Variants in NT5C3A observed in about 807,000 individuals in gnomAD.
NT5C3A encodes cytosolic 5'-nucleotidase 3A.
A neutral mutation model predicts 40.0 loss-of-function variants in NT5C3A; 23 were observed. That is an observed-to-expected ratio of 0.58 (90% CI 0.41 to 0.81). The LOEUF (loss-of-function observed/expected upper bound fraction) is 0.81. Ranked by LOEUF, NT5C3A falls within the 40% of genes least tolerant of loss-of-function variation. The pLI, the probability that NT5C3A is intolerant of heterozygous loss-of-function variation, is 0.00. For missense variants in NT5C3A, 328 were observed against 403.0 expected, an observed-to-expected ratio of 0.81 and a Z score of 1.59; for synonymous variants, 130 against 141.4, an observed-to-expected ratio of 0.92 and a Z score of 0.57.
At chr7:33,060,045 T>C (rs917244661) in intron 1 of NT5C3A, among the ~76,000 whole-genome samples, 2 of 152,178 alleles carry the variant, frequency 1.3e-5, no homozygotes, top group African/African-American at 4.8e-5. Flanking sequence ...TCGACCACCT[T>C]GACTGAAGAG....
intron 1 of NT5C3A, among the ~76,000 whole-genome samples, chr7:33,043,075 T>C (rs991369282): frequency 6.6e-6 from 1 of 152,214 alleles, no homozygotes; most frequent in African/African-American, 2.4e-5. Context: ...GCTAGTATTA[T>C]TTTCAATTTA....
At chr7:33,029,448 A>C (rs1786125414) in intron 1 of NT5C3A, 1 of 354,274 alleles carries the variant, frequency 2.8e-6, no homozygotes, top group Admixed American at 3.8e-5. Flanking sequence ...TAGTAAGTTT[A>C]TCTCTTGACA....
At chr7:33,025,694 G>A (rs1407331851) in intron 2 of NT5C3A, among the ~76,000 whole-genome samples, 1 of 151,586 alleles carries the variant, frequency 6.6e-6, no homozygotes, top group African/African-American at 2.4e-5. Context: ...TCTTACTTAA[G>A]ACTAATAAAA....
At chr7:33,019,045 A>G (rs1373684438) in intron 6 of NT5C3A, among the ~76,000 whole-genome samples, 1 of 152,002 alleles carries the variant, frequency 6.6e-6, no homozygotes, top group African/African-American at 2.4e-5. Flanking sequence ...CTTGAGCTCA[A>G]GAGTTCAAGA....
intron 1 of NT5C3A, among the ~76,000 whole-genome samples, chr7:33,050,743 G>GA (rs1298309390): frequency 4.6e-5 from 7 of 152,056 alleles, no homozygotes; most frequent in African/African-American, 9.7e-5. Flanking sequence ...CAACATATAT[G>GA]AAAAAAATGA....
Position 33,022,063 on chromosome 7 carries a change from C to T in NT5C3A, c.344G>A (p.Cys115Tyr). 4 of 1,533,052 alleles carry T rather than the reference C, an allele frequency of 2.6e-6. No individual in the cohort carries two copies. Among genetic ancestry groups the T allele is most frequent in the Middle Eastern group, 1.7e-4 (1 of 5,888 alleles). The allele number at this position is 1,533,052 out of a possible 1,614,324, so 95.0% of individuals were successfully genotyped here. ...IDNCKLVTDE[C>Y]RKKLLQLKEK... Reference sequence around the variant, plus strand: ...GTTGTTAGTGTTTACCTTTTTTCTACATTCATCTGTAACCAGCTTACAGTT... The same window carrying T: ...GTTGTTAGTGTTTACCTTTTTTCTATATTCATCTGTAACCAGCTTACAGTT... Residue 115 changes from cysteine (C) to tyrosine (Y), a missense_variant, in exon 4 of 9, where the codon TGT becomes TAT. Physicochemically the swap from Cys to Tyr is radical, Grantham distance 194. Around this residue, in one of 3 missense-constraint regions of NT5C3A, gnomAD observed 280 missense variants for 317.2 expected, o/e 0.88. Coordinates refer to ENST00000610140, the MANE Select transcript of NT5C3A (RefSeq NM_001002010.5).
intron 1 of NT5C3A, among the ~76,000 whole-genome samples, chr7:33,030,657 A>C (rs1209030892): frequency 1.3e-5 from 2 of 152,242 alleles, no homozygotes; most frequent in African/African-American, 4.8e-5. Context: ...AAAATGATTA[A>C]GAAAGACCTA....
At chr7:33,015,000 G>T (rs771355570) in intron 8 of NT5C3A, among the ~76,000 whole-genome samples, 169 bp from the exon 9 acceptor site, 1 of 152,204 alleles carries the variant, frequency 6.6e-6, no homozygotes, top group Non-Finnish European at 1.5e-5. Flanking sequence ...CCCACTGACA[G>T]ACATTTTTCC....
intron 1 of NT5C3A, among the ~76,000 whole-genome samples, chr7:33,051,908 A>C (rs568457371): frequency 6.6e-6 from 1 of 152,336 alleles, no homozygotes; most frequent in African/African-American, 2.4e-5. Flanking sequence ...GCTTTTAAAA[A>C]ACCGATTTAA....
intron 1 of NT5C3A, among the ~76,000 whole-genome samples, chr7:33,052,295 C>G (rs994240406): frequency 3.3e-5 from 5 of 151,834 alleles, no homozygotes; most frequent in Non-Finnish European, 7.4e-5. Context: ...ACCAGCTTGG[C>G]CAACATGGTG....
intron 1 of NT5C3A, among the ~76,000 whole-genome samples, chr7:33,031,731 A>G (rs1786271691): frequency 1.3e-5 from 2 of 152,228 alleles, no homozygotes; most frequent in South Asian, 4.1e-4. Flanking sequence ...GTACAGAGAA[A>G]ACAATTCATA....
intron 1 of NT5C3A, among the ~76,000 whole-genome samples, chr7:33,056,647 G>A (rs1021919595): frequency 6.6e-6 from 1 of 152,016 alleles, no homozygotes; most frequent in African/African-American, 2.4e-5. Context: ...ACTCCAGCCT[G>A]GCAGCAGGGT....
intron 1 of NT5C3A, among the ~76,000 whole-genome samples, chr7:33,055,505 T>C (rs1386345778): frequency 6.6e-6 from 1 of 152,216 alleles, no homozygotes; most frequent in East Asian, 1.9e-4. Context: ...GGTAGCCATA[T>C]AACCTTGTTC....
At chr7:33,023,988 A>C (rs536084391) in intron 3 of NT5C3A, 51 bp downstream of exon 3, 22 of 1,096,610 alleles carry the variant, frequency 2.0e-5, no homozygotes, top group Non-Finnish European at 2.9e-5. Context: ...AGAGGATCTT[A>C]AAATAATGAT....
At chr7:33,036,258 C>T in intron 1 of NT5C3A, 4 of 438,002 alleles carry the variant, frequency 9.1e-6, no homozygotes, top group Non-Finnish European at 1.7e-5. Flanking sequence ...CTGATGGAAA[C>T]ACCGGCGGCA....
intron 1 of NT5C3A, among the ~76,000 whole-genome samples, chr7:33,062,171 G>A (rs1472292559): frequency 5.3e-5 from 8 of 152,016 alleles, no homozygotes; most frequent in Admixed American, 4.6e-4. Context: ...ACGCGGATCC[G>A]GGGGGAGGGC....
intron 1 of NT5C3A, among the ~76,000 whole-genome samples, chr7:33,062,204 G>A (rs1386244861): frequency 3.3e-5 from 5 of 152,180 alleles, no homozygotes; most frequent in Non-Finnish European, 7.3e-5. Flanking sequence ...GGGAGAGAAG[G>A]AGCCACCTGC....
chr7:33,050,587 A>AT (rs1747053472), intron 1 of NT5C3A, among the ~76,000 whole-genome samples: 2 of 152,232 alleles, frequency 1.3e-5, no homozygotes, highest in Admixed American at 6.5e-5. Context: ...AGAAGACAGA[A>AT]TGGGGACAGG....
intron 1 of NT5C3A, among the ~76,000 whole-genome samples, chr7:33,035,038 C>G (rs1397730448): frequency 6.6e-6 from 1 of 151,902 alleles, no homozygotes; most frequent in Admixed American, 6.6e-5. Flanking sequence ...TAGAGTAGAT[C>G]AATATTTAAT....
Sources: gnomAD v4.1 joint callset for allele counts (sites outside exome capture counted in the v4.1 genomes callset) on GRCh38, gnomAD v4.1.1 for gene constraint, gnomAD v4.1.1 regional missense constraint, MANE v1.5 for transcripts, NCBI Gene and HGNC (gene_info 2026-07-23, HGNC 2026-07-21) for gene names.